The following ZBTB7C variants were observed in gnomAD, a reference collection of about 807,000 sequenced individuals.
The protein encoded by ZBTB7C is zinc finger and BTB domain containing 7C, also known as zinc finger and BTB domain-containing protein 7C.
A neutral mutation model predicts 25.7 loss-of-function variants in ZBTB7C; 8 were observed. That is an observed-to-expected ratio of 0.31 (90% CI 0.18 to 0.56). The LOEUF (loss-of-function observed/expected upper bound fraction) is 0.56, where lower values mean the gene tolerates loss of function less well. Among genes scored for constraint, ZBTB7C ranks in the 20% least tolerant of loss-of-function variants. The pLI is 0.91. For synonymous variants in ZBTB7C, 394 were observed against 369.0 expected, an observed-to-expected ratio of 1.07 and a Z score of -0.78; for missense variants, 824 against 855.2, an observed-to-expected ratio of 0.96 and a Z score of 0.46.
At chr18:48,086,682 C>A (rs2038203810) in intron 3 of ZBTB7C, among the ~76,000 whole-genome samples, 1 of 152,220 alleles carries the variant, frequency 6.6e-6, no homozygotes, top group Admixed American at 6.5e-5. Flanking sequence ...TGAACTTTAT[C>A]TCCCTTCCTG....
chr18:48,112,495 G>A (rs961874791), intron 3 of ZBTB7C, among the ~76,000 whole-genome samples: 4 of 151,810 alleles, frequency 2.6e-5, no homozygotes, highest in East Asian at 1.9e-4. Flanking sequence ...CTCCAGGCAC[G>A]CGCTACCATG....
intron 1 of ZBTB7C, among the ~76,000 whole-genome samples, chr18:48,405,588 C>T (rs1207783748): frequency 1.3e-5 from 2 of 152,344 alleles, no homozygotes; most frequent in Middle Eastern, 3.4e-3. Flanking sequence ...GTTTCTCAGC[C>T]TTTTGGATAA....
intron 2 of ZBTB7C, among the ~76,000 whole-genome samples, chr18:48,205,564 G>A (rs2042557810): frequency 6.6e-6 from 1 of 151,904 alleles, no homozygotes; most frequent in Non-Finnish European, 1.5e-5. Context: ...TAACACTATT[G>A]ATTCTTTCAA....
chr18:48,266,080 G>A (rs537664819), intron 2 of ZBTB7C, among the ~76,000 whole-genome samples: 1 of 152,322 alleles, frequency 6.6e-6, no homozygotes, highest in African/African-American at 2.4e-5. Flanking sequence ...GTTCAGGGGT[G>A]AGGGAAGGCT....
chr18:48,042,311 A>AAAAT (rs1473611522), intron 3 of ZBTB7C, among the ~76,000 whole-genome samples: 2 of 152,216 alleles, frequency 1.3e-5, no homozygotes, highest in African/African-American at 4.8e-5. Context: ...CAACAACAAT[A>AAAAT]AAATAAGGTG....
At chr18:48,160,016 T>C (rs1284588264) in intron 3 of ZBTB7C, among the ~76,000 whole-genome samples, 2 of 152,188 alleles carry the variant, frequency 1.3e-5, no homozygotes, top group Non-Finnish European at 2.9e-5. Context: ...GGGTAATGAA[T>C]GGAAAAGAGT....
intron 1 of ZBTB7C, among the ~76,000 whole-genome samples, chr18:48,384,842 C>T (rs1381833019): frequency 2.6e-5 from 4 of 152,042 alleles, no homozygotes; most frequent in East Asian, 1.9e-4. Context: ...CCACCATGCC[C>T]GGCTAATTTT....
chr18:48,130,237 C>G (rs536539588), intron 3 of ZBTB7C, among the ~76,000 whole-genome samples: 1 of 152,188 alleles, frequency 6.6e-6, no homozygotes, highest in Non-Finnish European at 1.5e-5. Context: ...AGAAATGGAG[C>G]TTTAGTCACT....
chr18:48,175,745 G>T (rs2041653452), intron 3 of ZBTB7C, among the ~76,000 whole-genome samples: 2 of 152,148 alleles, frequency 1.3e-5, no homozygotes, highest in Non-Finnish European at 1.5e-5. Context: ...TCTCATACCA[G>T]AAAGTAAGAA....
intron 3 of ZBTB7C, among the ~76,000 whole-genome samples, chr18:48,158,187 C>T (rs2040895019): frequency 1.3e-5 from 2 of 152,212 alleles, no homozygotes; most frequent in Admixed American, 6.5e-5. Flanking sequence ...CCCTGTTCCT[C>T]CTTTTTCTCT....
chr18:48,139,384 G>A (rs964371798), intron 3 of ZBTB7C, among the ~76,000 whole-genome samples: 2 of 152,132 alleles, frequency 1.3e-5, no homozygotes, highest in Non-Finnish European at 2.9e-5. Flanking sequence ...CAGCTGGAGC[G>A]GGATGTGGGA....
chr18:48,233,224 C>T (rs1338122882), intron 2 of ZBTB7C, among the ~76,000 whole-genome samples: 4 of 152,218 alleles, frequency 2.6e-5, no homozygotes, highest in South Asian at 2.1e-4. Context: ...CACTCTCTCG[C>T]GCGCACGCTC....
intron 2 of ZBTB7C, among the ~76,000 whole-genome samples, chr18:48,331,723 C>T (rs2046346413): frequency 6.6e-6 from 1 of 152,186 alleles, no homozygotes; most frequent in African/African-American, 2.4e-5. Flanking sequence ...ATGTTCTGTA[C>T]TGTCACTTTC....
rs151274070 is a variant in ZBTB7C at position 48,310,857 on chromosome 18, C to T, written c.-79+27317G>A. ...GACCTATCAACCCACTTGTCCTCTA[C>T]ATCTCGGCCTTCCAAGGAGACACAT... is the stretch of plus-strand genomic sequence containing the variant. On this transcript the variant is annotated intron_variant, in intron 2 of 4. Transcript: ENST00000590800. Among the ~76,000 whole-genome samples the T allele has an allele frequency of 2.4e-3, 365 of 152,358 alleles. 5 individuals carry two copies. The highest frequency in any genetic ancestry group is 8.5e-3 in the African/African-American group (354 of 41,586).
intron 2 of ZBTB7C, among the ~76,000 whole-genome samples, chr18:48,271,648 C>G (rs2044489342): frequency 6.7e-6 from 1 of 150,344 alleles, no homozygotes; most frequent in Non-Finnish European, 1.5e-5. Context: ...TCCATTTATG[C>G]TAAAAATGTA....
chr18:48,339,516 G>A (rs1025726861), intron 1 of ZBTB7C, among the ~76,000 whole-genome samples: 2 of 152,232 alleles, frequency 1.3e-5, no homozygotes, highest in African/African-American at 4.8e-5. Flanking sequence ...TGAAAGACTA[G>A]GAAACAGATG....
intron 2 of ZBTB7C, among the ~76,000 whole-genome samples, chr18:48,327,233 T>A (rs1437897605): frequency 6.6e-6 from 1 of 152,044 alleles, no homozygotes; most frequent in African/African-American, 2.4e-5. Flanking sequence ...GGCCTGCCCT[T>A]CTCTGGAGGG....
intron 1 of ZBTB7C, among the ~76,000 whole-genome samples, chr18:48,374,719 C>T (rs1412494876): frequency 6.6e-6 from 1 of 152,212 alleles, no homozygotes; most frequent in Admixed American, 6.5e-5. Context: ...GCCACTAAGA[C>T]CCAACGGATG....
rs568247222 is a variant in ZBTB7C, at chr18:48,250,473, A to G, written c.-78-64478T>C. On this transcript the variant is annotated intron_variant, in intron 2 of 4. Coordinates refer to ENST00000590800, the MANE Select transcript of ZBTB7C (RefSeq NM_001318841.2). ...AAGTGAAGGGAACACTGCCTGCCAT[A>G]TAACACTCAGATGATGCTAGTTATC... Among the ~76,000 whole-genome samples the G allele has an allele frequency of 4.6e-5, 7 of 152,310 alleles. 1 individual carries two copies. The highest frequency in any genetic ancestry group is 1.9e-4 in the East Asian group (1 of 5,172).
Sources: allele counts gnomAD v4.1 joint callset (sites outside exome capture counted in the v4.1 genomes callset), GRCh38; gene constraint gnomAD v4.1.1; transcripts MANE v1.5; gene names NCBI Gene and HGNC (gene_info 2026-07-23, HGNC 2026-07-21).